Variants in BPIFA2 observed in about 807,000 individuals in gnomAD.
BPIFA2 encodes the protein BPI fold containing family A member 2, also known as BPI fold-containing family A member 2.
BPIFA2 carries 20 observed loss-of-function variants against 25.7 expected under a neutral mutation model. That is an observed-to-expected ratio of 0.78 (90% CI 0.55 to 1.13). The LOEUF is 1.13. Ranked by LOEUF, BPIFA2 falls within the 50% of genes most tolerant of loss-of-function variation. The pLI is 0.00. For synonymous variants in BPIFA2, 126 were observed against 124.3 expected (o/e 1.01, Z -0.09); for missense variants, 300 against 298.1 (o/e 1.01, Z -0.05).
At chr20:33,166,521 C>T (rs190175312), upstream of BPIFA2, among the ~76,000 whole-genome samples, 136 of 152,276 alleles carry the variant, frequency 8.9e-4, no homozygotes, top group African/African-American at 3.1e-3. Flanking sequence ...CACAGCATGC[C>T]CTTGAGGTGA....
chr20:33,163,497 C>T (rs1324608845), upstream of BPIFA2, among the ~76,000 whole-genome samples: 1 of 152,192 alleles, frequency 6.6e-6, no homozygotes, highest in Non-Finnish European at 1.5e-5. Context: ...AGGACCCACA[C>T]AGCCCAGGGA....
At chr20:33,162,664 C>G (rs907530290) in intron 1 of BPIFA2, among the ~76,000 whole-genome samples, 20 of 152,210 alleles carry the variant, frequency 1.3e-4, no homozygotes, top group African/African-American at 4.1e-4. Flanking sequence ...GAAATGCAGG[C>G]CCAGAGAGGC....
chr20:33,169,271 G>A lies in BPIFA2; in HGVS notation c.126G>A (p.Glu42=). The stretch of plus-strand genomic sequence containing the variant: ...ATAAGCTGGAACCTGTTCTTCACGA[G>A]GGACTTGAGACAGTTGACAATACTC... ...VVDKLEPVLH[E]GLETVDNTLK... Residue 42 remains glutamate, a synonymous_variant, in exon 2 of 9, where the codon GAG becomes GAA. Coordinates refer to ENST00000354932, the MANE Select transcript of BPIFA2 (RefSeq NM_080574.4). 6.2e-7 allele frequency: 1 copy of A among 1,614,128 alleles called. No homozygotes were observed.
upstream of BPIFA2, among the ~76,000 whole-genome samples, chr20:33,167,177 C>T (rs748811623): frequency 2.0e-5 from 3 of 152,152 alleles, no homozygotes; most frequent in Non-Finnish European, 4.4e-5. Flanking sequence ...GGACAGGCCC[C>T]CCAGGTCCTT....
At chr20:33,177,843 G>A (rs980694276) in intron 5 of BPIFA2, among the ~76,000 whole-genome samples, 9 of 152,192 alleles carry the variant, frequency 5.9e-5, no homozygotes, top group South Asian at 4.1e-4. Flanking sequence ...TTACTTATTC[G>A]GTATCCTCAG....
upstream of BPIFA2, among the ~76,000 whole-genome samples, chr20:33,164,761 C>A (rs1244331158): frequency 6.6e-6 from 1 of 152,100 alleles, no homozygotes; most frequent in Non-Finnish European, 1.5e-5. Context: ...TGTGCCAGCT[C>A]TGGGGGAACG....
upstream of BPIFA2, among the ~76,000 whole-genome samples, chr20:33,166,182 A>C (rs977059963): frequency 3.9e-5 from 6 of 151,914 alleles, no homozygotes; most frequent in African/African-American, 1.5e-4. Flanking sequence ...ACACCCGGCT[A>C]GATTTTGTAT....
intron 1 of BPIFA2, among the ~76,000 whole-genome samples, chr20:33,168,848 A>G (rs1983803287): frequency 1.3e-5 from 2 of 152,222 alleles, no homozygotes; most frequent in Admixed American, 1.3e-4. Context: ...AAGAAGAAGA[A>G]AAATATTTTA....
intron 2 of BPIFA2, 35 bp downstream of exon 2, chr20:33,169,337 A>G (rs1267822904): frequency 6.2e-7 from 1 of 1,603,750 alleles, no homozygotes; most frequent in Non-Finnish European, 8.5e-7. Context: ...GTGTCACCTA[A>G]ATTAGCCTCC....
At chr20:33,171,603 A>G (rs1164588373) in intron 2 of BPIFA2, among the ~76,000 whole-genome samples, 1 of 152,242 alleles carries the variant, frequency 6.6e-6, no homozygotes, top group Non-Finnish European at 1.5e-5. Context: ...TTCTCAAAAG[A>G]AGACATTTAT....
chr20:33,172,290 T>C (rs1163936553), intron 2 of BPIFA2, among the ~76,000 whole-genome samples: 2 of 151,964 alleles, frequency 1.3e-5, no homozygotes, highest in Non-Finnish European at 1.5e-5. Context: ...CTAATGCAGG[T>C]GGGGCTTAAA....
upstream of BPIFA2, among the ~76,000 whole-genome samples, chr20:33,167,237 G>T (rs986215843): frequency 2.0e-5 from 3 of 152,218 alleles, no homozygotes; most frequent in Non-Finnish European, 4.4e-5. Context: ...TGGTGACCCT[G>T]AGCTCTGTGC....
At chr20:33,167,704 C>T (rs1041516981), upstream of BPIFA2, among the ~76,000 whole-genome samples, 8 of 151,776 alleles carry the variant, frequency 5.3e-5, no homozygotes, top group Non-Finnish European at 1.2e-4. Context: ...TGTCTGACTC[C>T]TTGTGGGCCA....
intron 2 of BPIFA2, 111 bp downstream of exon 2, chr20:33,169,413 G>A: frequency 9.4e-7 from 1 of 1,064,854 alleles, no homozygotes; most frequent in Non-Finnish European, 1.4e-6. Flanking sequence ...GGTTTACTGA[G>A]AAAAGTGGCT....
upstream of BPIFA2, among the ~76,000 whole-genome samples, chr20:33,166,391 C>G (rs116473809): frequency 5.1e-3 from 771 of 152,288 alleles, 8 homozygotes; most frequent in African/African-American, 0.017. Flanking sequence ...GTCAAACCAT[C>G]GTAAGCCGGG....
At chr20:33,174,214 G>A (rs774565359) in intron 4 of BPIFA2, 28 bp downstream of exon 4, 4 of 1,607,472 alleles carry the variant, frequency 2.5e-6, no homozygotes, top group Non-Finnish European at 3.4e-6. Flanking sequence ...TCTGAGATTT[G>A]GGAAAGGCAG....
chr20:33,162,287 A>G (rs1048690463), intron 1 of BPIFA2, among the ~76,000 whole-genome samples: 6 of 152,042 alleles, frequency 3.9e-5, no homozygotes, highest in Non-Finnish European at 7.4e-5. Context: ...AGCCTCTCCC[A>G]TGGTTTTTAT....
At position 33,175,402 on chromosome 20, in the gene BPIFA2, T is replaced by C; in HGVS notation, c.411-5T>C. 1 of 1,613,464 alleles carries C rather than the reference T, an allele frequency of 6.2e-7. No homozygotes were observed. The highest frequency in any genetic ancestry group is 8.5e-7 in the Non-Finnish European group (1 of 1,179,606). ...TTTGTTCACTGTGCATCTTACTTCC[T>C]GCAGGCCCATCATTGGCCAGATTAT... On this transcript the variant is annotated splice_region_variant and splice_polypyrimidine_tract_variant and intron_variant, in intron 4 of 8. Transcript: ENST00000354932.
intron 3 of BPIFA2, 97 bp downstream of exon 3, chr20:33,173,173 C>G: frequency 7.0e-7 from 1 of 1,420,924 alleles, no homozygotes; most frequent in South Asian, 1.4e-5. Flanking sequence ...ATGGACAAGC[C>G]TCATTCCCCT....
Sources: allele counts gnomAD v4.1 joint callset (sites outside exome capture counted in the v4.1 genomes callset), GRCh38; gene constraint gnomAD v4.1.1; transcripts MANE v1.5; gene names NCBI Gene and HGNC (gene_info 2026-07-23, HGNC 2026-07-21).